Variants in TUBB3 observed in about 807,000 individuals in gnomAD.
TUBB3 encodes the protein tubulin beta 3 class III, also known as tubulin beta-3 chain.
Under a neutral mutation model 37.8 loss-of-function variants are expected in TUBB3, and 17 were observed. The ratio of observed to expected loss-of-function variants is 0.45; its 90% CI spans 0.31 to 0.67. The LOEUF (loss-of-function observed/expected upper bound fraction) is 0.67, where lower values mean the gene tolerates loss of function less well. Among genes scored for constraint, TUBB3 ranks in the 30% least tolerant of loss-of-function variants. TUBB3 has a pLI of 0.07. For synonymous variants in TUBB3, 332 were observed against 278.9 expected, an observed-to-expected ratio of 1.19 and a Z score of -1.90; for missense variants, 262 against 657.9, an observed-to-expected ratio of 0.40 and a Z score of 6.58.
chr16:89,933,140 C>A, intron 2 of TUBB3: 1 of 611,622 alleles, frequency 1.6e-6, no homozygotes, highest in Non-Finnish European at 3.0e-6. Flanking sequence ...GTTGCCCAGG[C>A]TGGTCTCGAA....
chr16:89,934,982 C>T lies in TUBB3; in HGVS notation c.531C>T (p.Asp177=), dbSNP rs1597424772. 5.0e-6 allele frequency: 8 copies of T among 1,614,200 alleles called. No individual in the cohort carries two copies. In the East Asian group the frequency reaches 1.6e-4, roughly 31 times the overall value. The change falls in exon 4 of 4, where the codon GAC becomes GAT. Residue 177 remains aspartate (D), a synonymous_variant. Transcript: ENST00000315491. ...FSVVPSPKVS[D]TVVEPYNATL... is the part of the protein sequence containing the mutation. ...TCGTGCCCTCACCCAAGGTGTCAGA[C>T]ACGGTGGTGGAGCCCTACAACGCCA...
At chr16:89,930,014 CCCTTCCTTCCTTCCTTCCTTCCTT>C (rs59751572) in intron 1 of TUBB3, among the ~76,000 whole-genome samples, 6 of 141,574 alleles carry the variant, frequency 4.2e-5, no homozygotes, top group African/African-American at 1.1e-4. Context: ...CAGTTTTCTC[CCCTTCCTTCCTTCCTTCCTTCCTT>C]CCTTCCTTCC....
intron 2 of TUBB3, 67 bp from the exon 3 acceptor site, chr16:89,933,401 C>A: frequency 7.6e-7 from 1 of 1,310,744 alleles, no homozygotes; most frequent in Non-Finnish European, 1.1e-6. Flanking sequence ...GCACAGAATT[C>A]AGAAAGAATG....
chr16:89,933,481 G>C lies in TUBB3; in HGVS notation c.180G>C (p.Val60=), dbSNP rs893267857. 4 of 1,613,926 alleles carry C rather than the reference G, an allele frequency of 2.5e-6. No individual in the cohort carries two copies. Among genetic ancestry groups the C allele is most frequent in the African/African-American group, 1.3e-5 (1 of 74,918 alleles). ...YYNEASSHKY[V]PRAILVDLEP... Reference sequence around the variant, plus strand: ...CTCTCCCCTCAGCTCACAAGTACGTGCCTCGAGCCATTCTGGTGGACCTGG... The same window carrying C: ...CTCTCCCCTCAGCTCACAAGTACGTCCCTCGAGCCATTCTGGTGGACCTGG... The change falls in exon 3 of 4, where the codon GTG becomes GTC. Residue 60 remains valine (V), a synonymous_variant. Coordinates refer to ENST00000315491, the MANE Select transcript of TUBB3 (RefSeq NM_006086.4).
At chr16:89,923,249 G>A, upstream of TUBB3, 1 of 390,500 alleles carries the variant, frequency 2.6e-6, no homozygotes, top group Non-Finnish European at 4.0e-6. Context: ...GGGGCTCTGC[G>A]GCGGCGCCTC....
At chr16:89,924,732 G>C (rs966276344) in intron 1 of TUBB3, among the ~76,000 whole-genome samples, 2 of 152,152 alleles carry the variant, frequency 1.3e-5, no homozygotes, top group Non-Finnish European at 2.9e-5. Context: ...GTAGTGGGGA[G>C]ACTCTAATCA....
chr16:89,925,761 G>A (rs1002852967), intron 1 of TUBB3, among the ~76,000 whole-genome samples: 1 of 152,216 alleles, frequency 6.6e-6, no homozygotes, highest in African/African-American at 2.4e-5. Flanking sequence ...GCTGATAGGG[G>A]GTGCAACGCG....
In TUBB3 at chr16:89,926,281, G is replaced by T. The variant is rs530929234; in HGVS notation, c.57+2823G>T. On this transcript the variant is annotated intron_variant, in intron 1 of 3. Coordinates refer to ENST00000315491, the MANE Select transcript of TUBB3 (RefSeq NM_006086.4). ...CGGGGCGGGGCTGGGGGCGGGGCCT[G>T]GCCGTCTCAGCCAATGGGAGGCGGA... is the stretch of plus-strand genomic sequence containing the variant. Among the ~76,000 whole-genome samples, 82 of 152,348 alleles carry T rather than the reference G, an allele frequency of 5.4e-4. No individual in the cohort carries two copies. The South Asian group carries it at 0.016, about 29-fold the overall frequency.
chr16:89,928,944 G>A (rs924248309), intron 1 of TUBB3, among the ~76,000 whole-genome samples: 2 of 149,882 alleles, frequency 1.3e-5, no homozygotes, highest in African/African-American at 4.9e-5. Flanking sequence ...TTGCAGGCGT[G>A]AGCCACCGCG....
At chr16:89,934,327 C>A in intron 3 of TUBB3, 1 of 482,248 alleles carries the variant, frequency 2.1e-6, no homozygotes, top group Non-Finnish European at 4.1e-6. Context: ...TTCCCGACCG[C>A]AGCACATCCA....
chr16:89,927,483 AAAAC>A (rs1175606495), intron 1 of TUBB3, among the ~76,000 whole-genome samples: 17 of 152,208 alleles, frequency 1.1e-4, no homozygotes, highest in Non-Finnish European at 2.9e-5. Flanking sequence ...CTGGTTAAAA[AAAAC>A]CTTAAATATT....
At chr16:89,922,115 T>C (rs954237229), upstream of TUBB3, 1 of 152,698 alleles carries the variant, frequency 6.5e-6, no homozygotes, top group Non-Finnish European at 1.5e-5. Flanking sequence ...GGGGCATCTC[T>C]TGAGAACAAA....
chr16:89,933,706 C>A, intron 3 of TUBB3, 128 bp downstream of exon 3: 2 of 811,026 alleles, frequency 2.5e-6, no homozygotes, highest in Non-Finnish European at 4.4e-6. Context: ...GGTGGGAACT[C>A]ATCTCTCCAT....
intron 3 of TUBB3, chr16:89,934,210 G>T: frequency 2.6e-6 from 1 of 388,648 alleles, no homozygotes; most frequent in Non-Finnish European, 5.1e-6. Flanking sequence ...ACGTTCCCAT[G>T]CCTGTGTCCT....
At chr16:89,933,630 C>A in intron 3 of TUBB3, 52 bp downstream of exon 3, 1 of 1,440,088 alleles carries the variant, frequency 6.9e-7, no homozygotes, top group Non-Finnish European at 9.8e-7. Context: ...ACAGGCAAGC[C>A]CAGGTCGGTG....
chr16:89,931,878 G>A (rs2030293194), intron 1 of TUBB3: 1 of 412,942 alleles, frequency 2.4e-6, no homozygotes, highest in Non-Finnish European at 5.0e-6. Flanking sequence ...CAGGTAGAGA[G>A]AGGACGACCC....
intron 1 of TUBB3, among the ~76,000 whole-genome samples, chr16:89,929,743 C>T (rs976062133): frequency 1.3e-5 from 2 of 152,202 alleles, no homozygotes; most frequent in African/African-American, 2.4e-5. Flanking sequence ...CTTCTGTTGC[C>T]CAGGCTTGAG....
chr16:89,932,118 G>T (rs773576002), intron 1 of TUBB3: 2 of 299,654 alleles, frequency 6.7e-6, no homozygotes, highest in African/African-American at 2.2e-5. Flanking sequence ...AGCCAAAAGC[G>T]ATCCTGAGCT....
chr16:89,923,755 C>T (rs1360531436), intron 1 of TUBB3, among the ~76,000 whole-genome samples: 2 of 152,184 alleles, frequency 1.3e-5, no homozygotes, highest in African/African-American at 4.8e-5. Flanking sequence ...CACCGGGCCT[C>T]CGCAGGTGCA....
Sources: allele counts gnomAD v4.1 joint callset (sites outside exome capture counted in the v4.1 genomes callset), GRCh38; gene constraint gnomAD v4.1.1; transcripts MANE v1.5; gene names NCBI Gene and HGNC (gene_info 2026-07-23, HGNC 2026-07-21).